ADGRL3: variants seen among roughly 807,000 people sequenced by gnomAD.
ADGRL3 encodes the protein calcium-independent alpha-latrotoxin receptor 3.
ADGRL3 carries 62 observed loss-of-function variants against 153.5 expected under a neutral mutation model. That is an observed-to-expected ratio of 0.40 (90% confidence interval 0.33 to 0.50). ADGRL3 has a LOEUF of 0.50. Among genes scored for constraint, ADGRL3 ranks in the 20% least tolerant of loss-of-function variants. ADGRL3 has a pLI of 0.47. For synonymous variants in ADGRL3, 710 were observed against 672.5 expected, an observed-to-expected ratio of 1.06 and a Z score of -0.86; for missense variants, 1,641 against 1,859.4, an observed-to-expected ratio of 0.88 and a Z score of 2.16.
chr4:62,008,534 A>C (rs995931989), intron 21 of ADGRL3, among the ~76,000 whole-genome samples: 2 of 152,138 alleles, frequency 1.3e-5, no homozygotes, highest in Non-Finnish European at 2.9e-5. Context: ...ATCATGGTTC[A>C]TAAGTATTCA....
chr4:61,875,142 C>A (rs1490018839), intron 9 of ADGRL3, among the ~76,000 whole-genome samples: 1 of 152,098 alleles, frequency 6.6e-6, no homozygotes, highest in Non-Finnish European at 1.5e-5. Context: ...CACAAAATTG[C>A]CTAGTTTTAT....
At position 62,073,921 on chromosome 4, in the gene ADGRL3, A is replaced by C. The variant is rs919757904; in HGVS notation, c.*3013A>C. The C allele has an allele frequency of 6.6e-6, 1 of 152,182 alleles. No homozygotes were observed. The highest frequency in any genetic ancestry group is 1.5e-5 in the Non-Finnish European group (1 of 68,018). The allele number at this position is 152,182 out of a possible 1,614,324, so 9.4% of individuals were successfully genotyped here. A position where few individuals can be genotyped will look rare whatever the true frequency, so the allele number is the denominator to read the frequency against. On this transcript the variant is annotated 3_prime_UTR_variant, in exon 27 of 27. Transcript: ENST00000683033. ...AGTATTATGTAACCGTAATTAAAAA[A>C]AATGGATAAAGGAGCTAATTTTACA...
intron 5 of ADGRL3, among the ~76,000 whole-genome samples, chr4:61,652,795 A>G (rs974460737): frequency 6.6e-6 from 1 of 152,200 alleles, no homozygotes; most frequent in African/African-American, 2.4e-5. Context: ...ACTGCTATTA[A>G]TAGAATAATT....
intron 4 of ADGRL3, among the ~76,000 whole-genome samples, chr4:61,538,034 T>A (rs1026737465): frequency 5.3e-5 from 8 of 152,342 alleles, no homozygotes; most frequent in African/African-American, 1.9e-4. Context: ...GGTCTCTAAA[T>A]ACTCTGTGTT....
At chr4:61,973,890 C>T (rs750009347) in intron 17 of ADGRL3, among the ~76,000 whole-genome samples, 6 of 152,052 alleles carry the variant, frequency 3.9e-5, no homozygotes, top group South Asian at 2.1e-4. Context: ...TGCAATTGTA[C>T]GGTAATCAAG....
At chr4:62,060,755 TC>T (rs1739651110) in intron 25 of ADGRL3, among the ~76,000 whole-genome samples, 1 of 151,854 alleles carries the variant, frequency 6.6e-6, no homozygotes, top group African/African-American at 2.4e-5. Context: ...CATGATGAAC[TC>T]TTTTTTTTCT....
Position 61,504,057 on chromosome 4 carries a change from A to G in ADGRL3, c.55+6709A>G, listed in dbSNP as rs572668617. ...ACCCAGGCTGTAGTGCAGTGGCATAATCAGAGCCCACTGTAACCTCAACCT... is the reference window on the plus strand; with the variant it reads ...ACCCAGGCTGTAGTGCAGTGGCATAGTCAGAGCCCACTGTAACCTCAACCT... On this transcript the variant is annotated intron_variant, in intron 3 of 26. Coordinates refer to ENST00000683033, the MANE Select transcript of ADGRL3 (RefSeq NM_001387552.1). 1.1e-3 allele frequency among the ~76,000 whole-genome samples: 169 copies of G among 152,268 alleles called. 4 individuals are homozygous for G. The South Asian group carries it at 0.034, about 30-fold the overall frequency.
chr4:61,746,934 G>C (rs1272457301), intron 8 of ADGRL3, among the ~76,000 whole-genome samples: 1 of 151,876 alleles, frequency 6.6e-6, no homozygotes, highest in Non-Finnish European at 1.5e-5. Flanking sequence ...TTTTTTGAAA[G>C]GATCAACAAA....
chr4:62,015,117 A>G (rs1419832697), intron 21 of ADGRL3, among the ~76,000 whole-genome samples: 1 of 152,196 alleles, frequency 6.6e-6, no homozygotes, highest in African/African-American at 2.4e-5. Flanking sequence ...AGTGTTAAGC[A>G]TCTTGAGCCG....
intron 8 of ADGRL3, among the ~76,000 whole-genome samples, chr4:61,783,976 C>T (rs1328672043): frequency 6.6e-6 from 1 of 151,978 alleles, no homozygotes; most frequent in Non-Finnish European, 1.5e-5. Flanking sequence ...ACTTTTATGA[C>T]TTGACCTAAT....
intron 21 of ADGRL3, among the ~76,000 whole-genome samples, chr4:62,023,294 A>G (rs1354261483): frequency 2.6e-5 from 4 of 152,190 alleles, no homozygotes; most frequent in African/African-American, 9.7e-5. Context: ...TCAAATTTTA[A>G]TATGTGAAGA....
chr4:61,588,135 A>G (rs1016773227), intron 5 of ADGRL3, among the ~76,000 whole-genome samples: 1 of 151,782 alleles, frequency 6.6e-6, no homozygotes, highest in Admixed American at 6.6e-5. Flanking sequence ...TAAGTATTAT[A>G]TATCTCTTAG....
At chr4:61,783,511 A>T in intron 8 of ADGRL3, among the ~76,000 whole-genome samples, 1 of 152,128 alleles carries the variant, frequency 6.6e-6, no homozygotes, top group East Asian at 1.9e-4. Flanking sequence ...GTTCTAGGAA[A>T]TTGTATATAA....
intron 4 of ADGRL3, among the ~76,000 whole-genome samples, chr4:61,530,313 G>C (rs2152953308): frequency 6.6e-6 from 1 of 151,732 alleles, no homozygotes; most frequent in South Asian, 2.1e-4. Context: ...CAACTATATG[G>C]TCTTTCAAGA....
chr4:61,998,026 A>G, intron 20 of ADGRL3, 148 bp from the exon 21 acceptor site: 1 of 428,426 alleles, frequency 2.3e-6, no homozygotes, highest in East Asian at 3.6e-5. Flanking sequence ...TGCCTTTACT[A>G]AAACACTAGG....
intron 9 of ADGRL3, among the ~76,000 whole-genome samples, chr4:61,866,560 C>G (rs924316283): frequency 2.0e-5 from 3 of 152,158 alleles, no homozygotes; most frequent in Non-Finnish European, 4.4e-5. Flanking sequence ...AGCTCAGGTG[C>G]TATTAGTACT....
At chr4:61,874,744 CACTTTTTCATTTGTGTAAAAT>C (rs1205170364) in intron 9 of ADGRL3, among the ~76,000 whole-genome samples, 1 of 147,818 alleles carries the variant, frequency 6.8e-6, no homozygotes, top group African/African-American at 2.5e-5. Flanking sequence ...TAACCATCAC[CACTTTTTCATTTGTGTAAAAT>C]ATTTTCAACG....
At chr4:61,800,704 T>C (rs1354993703) in intron 8 of ADGRL3, among the ~76,000 whole-genome samples, 2 of 152,180 alleles carry the variant, frequency 1.3e-5, no homozygotes, top group African/African-American at 2.4e-5. Context: ...TTTAATGGGT[T>C]ATCCTGAACA....
intron 5 of ADGRL3, among the ~76,000 whole-genome samples, chr4:61,612,561 T>C (rs375312109): frequency 3.9e-5 from 6 of 152,210 alleles, no homozygotes; most frequent in East Asian, 3.8e-4. Flanking sequence ...TACAGGATAG[T>C]TATTACCTTC....
Sources: allele counts gnomAD v4.1 joint callset (sites outside exome capture counted in the v4.1 genomes callset), GRCh38; gene constraint gnomAD v4.1.1; transcripts MANE v1.5; gene names NCBI Gene and HGNC (gene_info 2026-07-23, HGNC 2026-07-21).